The following NEK7 variants were observed in gnomAD, a reference collection of about 807,000 sequenced individuals.
NEK7 encodes the protein serine/threonine-protein kinase Nek7.
A neutral mutation model predicts 44.6 loss-of-function variants in NEK7; 18 were observed. The observed-to-expected ratio is 0.40, with a 90% CI of 0.28 to 0.60. NEK7 has a LOEUF of 0.60. Among genes scored for constraint, NEK7 ranks in the 20% least tolerant of loss-of-function variants. The pLI, the probability that NEK7 is intolerant of heterozygous loss-of-function variation, is 0.38. For synonymous variants in NEK7, 130 were observed against 121.1 expected (o/e 1.07, Z -0.48); for missense variants, 256 against 366.5 (o/e 0.70, Z 2.46).
chr1:198,222,826 A>G (rs1666108086), intron 1 of NEK7, among the ~76,000 whole-genome samples: 1 of 151,606 alleles, frequency 6.6e-6, no homozygotes, highest in Non-Finnish European at 1.5e-5. Flanking sequence ...GACAATTACA[A>G]ATTGTTATAA....
intron 9 of NEK7, among the ~76,000 whole-genome samples, chr1:198,314,801 C>T (rs1373615587): frequency 2.0e-5 from 3 of 152,222 alleles, no homozygotes; most frequent in Non-Finnish European, 2.9e-5. Flanking sequence ...CTCAGATCTC[C>T]AGCTGCCTGC....
At chr1:198,162,399 G>T (rs981380293) in intron 1 of NEK7, among the ~76,000 whole-genome samples, 10 of 152,166 alleles carry the variant, frequency 6.6e-5, no homozygotes, top group South Asian at 2.1e-4. Flanking sequence ...TTACCATGAT[G>T]TGGAAAAGAC....
Position 198,278,048 on chromosome 1 carries a change from T to C in NEK7, c.460T>C (p.Ser154Pro), listed in dbSNP as rs754449598. The change falls in exon 6 of 10, where the codon TCT (serine) becomes CCT (proline). Residue 154 changes from serine to proline, a missense_variant. Physicochemically the swap from Ser to Pro is moderately conservative, Grantham distance 74. This residue lies in a region of NEK7 where 102 missense variants were observed against 205.2 expected (regional missense o/e 0.50). Coordinates refer to ENST00000367385, the MANE Select transcript of NEK7 (RefSeq NM_133494.3). ...TTGCAGTGCATTGGAACACATGCAT[T>C]CTCGAAGAGTCATGCATAGAGGTAA... ...QLCSALEHMH[S>P]RRVMHRDIKP... 2 of 1,563,432 alleles carry C rather than the reference T, an allele frequency of 1.3e-6. No homozygotes were observed. The highest frequency in any genetic ancestry group is 1.8e-6 in the Non-Finnish European group (2 of 1,135,178).
rs1356889110 is a variant in NEK7, at chr1:198,249,133, A to G, written c.58-3907A>G. ...TCAATTCCTACCTGTGAGTGAGAAT[A>G]TGCGGTGTTTGGTTTTTTGTTCTTG... is the stretch of plus-strand genomic sequence containing the variant. On this transcript the variant is annotated intron_variant, in intron 2 of 9. Coordinates refer to ENST00000367385, the MANE Select transcript of NEK7 (RefSeq NM_133494.3). Among the ~76,000 whole-genome samples, 4 of 146,428 alleles carry G rather than the reference A, an allele frequency of 2.7e-5. No homozygotes were observed. The Admixed American group carries it at 2.9e-4, about 11-fold the overall frequency.
In NEK7 at chr1:198,297,241, G is replaced by C; in HGVS notation, c.798+1G>C. On this transcript the variant is annotated splice_donor_variant, in intron 9 of 9. Coordinates refer to ENST00000367385, the MANE Select transcript of NEK7 (RefSeq NM_133494.3). LOFTEE classifies it high-confidence loss of function. The stretch of plus-strand genomic sequence containing the variant: ...TCCTTCAGATCACTATTCAGAAGAA[G>C]TAAGTCATTTTCAGCCCACATGTTC... The C allele has an allele frequency of 6.2e-7, 1 of 1,612,802 alleles. No homozygotes were observed. The highest frequency in any genetic ancestry group is 8.5e-7 in the Non-Finnish European group (1 of 1,179,428).
chr1:198,216,497 G>A (rs778120806), intron 1 of NEK7, among the ~76,000 whole-genome samples: 3 of 151,798 alleles, frequency 2.0e-5, no homozygotes, highest in African/African-American at 4.8e-5. Context: ...ATCACAAATT[G>A]GCAACCCAAT....
At chr1:198,257,564 G>A (rs897013608) in intron 3 of NEK7, among the ~76,000 whole-genome samples, 4 of 152,034 alleles carry the variant, frequency 2.6e-5, no homozygotes, top group Non-Finnish European at 2.9e-5. Context: ...TTATCTTGCA[G>A]CTTTTATGAA....
chr1:198,188,461 G>A (rs997492364), intron 1 of NEK7, among the ~76,000 whole-genome samples: 1 of 152,096 alleles, frequency 6.6e-6, no homozygotes, highest in Non-Finnish European at 1.5e-5. Flanking sequence ...TGTGGCAGCT[G>A]AGGAGCCCAG....
chr1:198,231,311 A>G lies in NEK7; in HGVS notation c.-28-1242A>G, dbSNP rs1211097811. ...CGTGTATGTGTGTGTGTATATATAT[A>G]TATATATATATATATATATATATAT... On this transcript the variant is annotated intron_variant, in intron 1 of 9. Coordinates refer to ENST00000367385, the MANE Select transcript of NEK7 (RefSeq NM_133494.3). Among the ~76,000 whole-genome samples, 67 of 113,406 alleles carry G rather than the reference A, an allele frequency of 5.9e-4. 1 individual carries two copies. Among genetic ancestry groups the G allele is most frequent in the African/African-American group, 2.1e-3 (57 of 27,228 alleles). 74.4% of individuals were successfully genotyped at this position (113,406 alleles called of 152,430 possible).
chr1:198,181,051 A>G (rs1353107280), intron 1 of NEK7, among the ~76,000 whole-genome samples: 1 of 152,098 alleles, frequency 6.6e-6, no homozygotes, highest in Non-Finnish European at 1.5e-5. Context: ...AACTTTAAAC[A>G]CATGATAATC....
At chr1:198,200,809 C>T (rs972358736) in intron 1 of NEK7, among the ~76,000 whole-genome samples, 1 of 152,164 alleles carries the variant, frequency 6.6e-6, no homozygotes, top group African/African-American at 2.4e-5. Context: ...CCTCGGCCTC[C>T]CAAAGTGTTG....
intron 1 of NEK7, among the ~76,000 whole-genome samples, chr1:198,175,383 A>G (rs969518008): frequency 6.6e-6 from 1 of 152,220 alleles, no homozygotes; most frequent in African/African-American, 2.4e-5. Context: ...TGACCTTACC[A>G]TAAATAATTC....
chr1:198,291,115 C>A (rs1245678412), intron 7 of NEK7, among the ~76,000 whole-genome samples: 1 of 152,124 alleles, frequency 6.6e-6, no homozygotes, highest in African/African-American at 2.4e-5. Context: ...TCATATCAAA[C>A]CCCTAATGTA....
rs767754281 is a variant in NEK7, at chr1:198,262,561, G to C, written c.199-14G>C. ...GTTATTATTTTATTAAGTAATTCTG[G>C]GTTCTGTTTTTAGATATTTGATTTA... On this transcript the variant is annotated splice_polypyrimidine_tract_variant and intron_variant, in intron 3 of 9. Transcript: ENST00000367385. 1 of 1,532,876 alleles carries C rather than the reference G, an allele frequency of 6.5e-7. No individual in the cohort carries two copies. The highest frequency in any genetic ancestry group is 9.0e-7 in the Non-Finnish European group (1 of 1,115,006). The allele number at this position is 1,532,876 out of a possible 1,614,324, so 95.0% of individuals were successfully genotyped here. A position where few individuals can be genotyped will look rare whatever the true frequency, so the allele number is the denominator to read the frequency against.
intron 7 of NEK7, among the ~76,000 whole-genome samples, chr1:198,284,188 G>T (rs1654299707): frequency 6.6e-6 from 1 of 152,178 alleles, no homozygotes; most frequent in African/African-American, 2.4e-5. Flanking sequence ...ACGAAGCAGA[G>T]AAAGGTAAAC....
At chr1:198,178,897 A>C (rs926945218) in intron 1 of NEK7, among the ~76,000 whole-genome samples, 2 of 152,022 alleles carry the variant, frequency 1.3e-5, no homozygotes, top group Non-Finnish European at 2.9e-5. Flanking sequence ...AATGGAAGAG[A>C]TCTAGCTATT....
intron 2 of NEK7, chr1:198,245,105 C>T (rs1666798899): frequency 3.6e-5 from 6 of 165,772 alleles, no homozygotes; most frequent in Non-Finnish European, 7.3e-5. Flanking sequence ...ATAAGAAAAT[C>T]ATAAGGAAGA....
chr1:198,280,599 GAGGT>G (rs2102985467), intron 7 of NEK7, among the ~76,000 whole-genome samples: 1 of 151,830 alleles, frequency 6.6e-6, no homozygotes, highest in African/African-American at 2.4e-5. Context: ...TCTCCAAATT[GAGGT>G]GATATGCTAG....
intron 1 of NEK7, among the ~76,000 whole-genome samples, chr1:198,191,186 G>A (rs925523261): frequency 6.6e-6 from 1 of 151,908 alleles, no homozygotes; most frequent in South Asian, 2.1e-4. Flanking sequence ...GAACATTTTT[G>A]TATGTCTTTG....
Sources: allele counts gnomAD v4.1 joint callset (sites outside exome capture counted in the v4.1 genomes callset), GRCh38; gene constraint gnomAD v4.1.1; regional missense constraint gnomAD v4.1.1; transcripts MANE v1.5; gene names NCBI Gene and HGNC (gene_info 2026-07-23, HGNC 2026-07-21).